Variants in PCYOX1 observed in about 807,000 individuals in gnomAD.
PCYOX1 encodes prenylcysteine oxidase 1.
In PCYOX1, 46 loss-of-function variants were observed where a neutral mutation model predicts 46.4. That is an observed-to-expected ratio of 0.99 (90% CI 0.78 to 1.27). PCYOX1 has a LOEUF of 1.27. Ranked by LOEUF, PCYOX1 falls within the 50% of genes most tolerant of loss-of-function variation. PCYOX1 has a pLI of 0.00. For missense variants in PCYOX1, 658 were observed against 628.3 expected (o/e 1.05, Z -0.51); for synonymous variants, 220 against 231.8 (o/e 0.95, Z 0.46).
intron 1 of PCYOX1, among the ~76,000 whole-genome samples, chr2:70,258,752 T>C (rs1279256893): frequency 7.2e-5 from 11 of 152,208 alleles, no homozygotes; most frequent in Non-Finnish European, 1.5e-5. Context: ...CTGAACCGCC[T>C]TCCCCCAGCT....
chr2:70,268,273 C>T (rs1696555893), intron 3 of PCYOX1, among the ~76,000 whole-genome samples: 1 of 152,152 alleles, frequency 6.6e-6, no homozygotes, highest in South Asian at 2.1e-4. Context: ...CTCATCACAT[C>T]ACTCCACTAA....
intron 1 of PCYOX1, among the ~76,000 whole-genome samples, chr2:70,259,005 T>G (rs984486562): frequency 6.6e-6 from 1 of 152,186 alleles, no homozygotes; most frequent in African/African-American, 2.4e-5. Flanking sequence ...TGGCCGTCAC[T>G]TTATTAAAAA....
intron 3 of PCYOX1, among the ~76,000 whole-genome samples, chr2:70,266,802 C>A (rs1020550832): frequency 6.6e-6 from 1 of 152,140 alleles, no homozygotes; most frequent in Admixed American, 6.5e-5. Flanking sequence ...AGATAAACAG[C>A]ATTCCAAGGC....
At chr2:70,276,533 A>G (rs1696674730) in intron 5 of PCYOX1, among the ~76,000 whole-genome samples, 1 of 152,190 alleles carries the variant, frequency 6.6e-6, no homozygotes, top group Non-Finnish European at 1.5e-5. Context: ...TCAAAAGTAA[A>G]AATTCTGTAT....
chr2:70,259,707 A>G lies in PCYOX1; in HGVS notation c.319+141A>G, dbSNP rs1424786358. On this transcript the variant is annotated intron_variant, in intron 2 of 5. Coordinates refer to ENST00000433351, the MANE Select transcript of PCYOX1 (RefSeq NM_016297.4). ...AAACTGTTTTCCTCACTTTCTTGTT[A>G]GTTGGTACTGCCTGAGTTAGGAGCA... 1.1e-5 allele frequency: 5 copies of G among 441,470 alleles called. No individual in the cohort carries two copies. The East Asian group carries it at 2.4e-4, about 21-fold the overall frequency. 27.3% of individuals were successfully genotyped at this position (441,470 alleles called of 1,614,324 possible). A position where few individuals can be genotyped will look rare whatever the true frequency, so the allele number is the denominator to read the frequency against.
Position 70,258,342 on chromosome 2 carries a change from A to C in PCYOX1, c.112+66A>C, listed in dbSNP as rs999332267. 4 of 1,046,232 alleles carry C rather than the reference A, an allele frequency of 3.8e-6. No homozygotes were observed. In the African/African-American group the frequency reaches 5.0e-5, roughly 13 times the overall value. 64.8% of individuals were successfully genotyped at this position (1,046,232 alleles called of 1,614,324 possible). A position where few individuals can be genotyped will look rare whatever the true frequency, so the allele number is the denominator to read the frequency against. On this transcript the variant is annotated intron_variant, in intron 1 of 5. Transcript: ENST00000433351. Reference sequence around the variant, plus strand: ...GCCCCGCGCCGGGCGGCCGCTGCGCAGTGCGCCCAGATCCCACAGCCGCGA... The same window carrying C: ...GCCCCGCGCCGGGCGGCCGCTGCGCCGTGCGCCCAGATCCCACAGCCGCGA...
At chr2:70,261,086 T>A in intron 2 of PCYOX1, 126 bp from the exon 3 acceptor site, 1 of 610,522 alleles carries the variant, frequency 1.6e-6, no homozygotes, top group South Asian at 2.3e-5. Flanking sequence ...TTCACACTGT[T>A]CCAAAGATAG....
At chr2:70,271,892 T>TA (rs1322791611) in intron 3 of PCYOX1, among the ~76,000 whole-genome samples, 2 of 152,228 alleles carry the variant, frequency 1.3e-5, no homozygotes, top group East Asian at 3.8e-4. Context: ...TCCAAATTAT[T>TA]ATCAGATATT....
intron 4 of PCYOX1, 95 bp from the exon 5 acceptor site, chr2:70,275,419 C>A: frequency 7.7e-7 from 1 of 1,292,164 alleles, no homozygotes; most frequent in Non-Finnish European, 1.1e-6. Context: ...TGTCTAGAGA[C>A]ATTTGGAGTA....
chr2:70,271,393 T>A (rs1696598656), intron 3 of PCYOX1, among the ~76,000 whole-genome samples: 1 of 151,402 alleles, frequency 6.6e-6, no homozygotes, highest in Non-Finnish European at 1.5e-5. Flanking sequence ...TACAAATTAC[T>A]TGTTGAAAGA....
intron 3 of PCYOX1, among the ~76,000 whole-genome samples, chr2:70,263,148 C>T (rs970639773): frequency 1.3e-5 from 2 of 151,506 alleles, no homozygotes; most frequent in African/African-American, 4.8e-5. Flanking sequence ...GCAGGAGAAT[C>T]ACTTGAACCT....
At chr2:70,259,302 A>G (rs974817550) in intron 1 of PCYOX1, 58 bp from the exon 2 acceptor site, 12 of 1,492,554 alleles carry the variant, frequency 8.0e-6, no homozygotes, top group South Asian at 5.7e-5. Context: ...CAAAAACAAA[A>G]CAACTCACAG....
intron 2 of PCYOX1, among the ~76,000 whole-genome samples, chr2:70,259,793 G>A (rs531361836): frequency 1.9e-4 from 29 of 152,128 alleles, no homozygotes; most frequent in Non-Finnish European, 1.5e-5. Flanking sequence ...TACAGCCATG[G>A]GGTGGGGGTG....
At position 70,280,406 on chromosome 2, in the gene PCYOX1, G is replaced by A. The variant is rs542967874; in HGVS notation, c.*3014G>A. On this transcript the variant is annotated 3_prime_UTR_variant, in exon 6 of 6. Coordinates refer to ENST00000433351, the MANE Select transcript of PCYOX1 (RefSeq NM_016297.4). The stretch of plus-strand genomic sequence containing the variant: ...AGAGACTGGTAAAAATGATGCAGGG[G>A]CTGAATGAAAGCCAGCTCTGCTCCA... 6.6e-6 allele frequency: 1 copy of A among 152,110 alleles called. No individual in the cohort carries two copies. Among genetic ancestry groups the A allele is most frequent in the Non-Finnish European group, 1.5e-5 (1 of 68,022 alleles). 9.4% of individuals were successfully genotyped at this position (152,110 alleles called of 1,614,324 possible).
chr2:70,265,176 G>A (rs964495737), intron 3 of PCYOX1, among the ~76,000 whole-genome samples: 1 of 150,198 alleles, frequency 6.7e-6, no homozygotes, highest in Non-Finnish European at 1.5e-5. Flanking sequence ...TAGTTGTTCT[G>A]GTTGGATGCC....
At position 70,274,989 on chromosome 2, in the gene PCYOX1, C is replaced by G. The variant is rs753873673; in HGVS notation, c.525C>G (p.Ala175=). The stretch of plus-strand genomic sequence containing the variant: ...ACCGCTACCAGTCTCATGACTATGC[C>G]TTCAGTAGTGTCGAAAAATTACTTC... The part of the protein sequence containing the change: ...RIYRYQSHDY[A]FSSVEKLLHA... The change falls in exon 4 of 6, where the codon GCC becomes GCG. Residue 175 remains alanine, a synonymous_variant. Transcript: ENST00000433351. 7.4e-6 allele frequency: 12 copies of G among 1,611,158 alleles called. No individual in the cohort carries two copies. In the East Asian group the frequency reaches 2.5e-4, roughly 33 times the overall value.
intron 3 of PCYOX1, among the ~76,000 whole-genome samples, chr2:70,271,575 G>C (rs1464192816): frequency 6.6e-6 from 1 of 151,990 alleles, no homozygotes; most frequent in Non-Finnish European, 1.5e-5. Context: ...TTTACCAAAT[G>C]CTTTAAAATT....
In PCYOX1 at chr2:70,258,289, G is replaced by A; in HGVS notation, c.112+13G>A. ...CCAGATAAAATCGGTAGGCGAGAAG[G>A]GGGCGGCGCGGGAAGGTGCTGGAGC... On this transcript the variant is annotated intron_variant, in intron 1 of 5. Transcript: ENST00000433351. 2 of 1,546,990 alleles carry A rather than the reference G, an allele frequency of 1.3e-6. No homozygotes were observed. Among genetic ancestry groups the A allele is most frequent in the South Asian group, 2.3e-5 (2 of 86,478 alleles).
At chr2:70,259,276 G>A in intron 1 of PCYOX1, 84 bp from the exon 2 acceptor site, 2 of 1,227,456 alleles carry the variant, frequency 1.6e-6, no homozygotes, top group East Asian at 2.3e-5. Context: ...AACAACCTCT[G>A]CTATTGATGG....
Sources: gnomAD v4.1 joint callset for allele counts (sites outside exome capture counted in the v4.1 genomes callset) on GRCh38, gnomAD v4.1.1 for gene constraint, MANE v1.5 for transcripts, NCBI Gene and HGNC (gene_info 2026-07-23, HGNC 2026-07-21) for gene names.